The following SLC8A3 variants were observed in gnomAD, a reference collection of about 807,000 sequenced individuals.
The protein encoded by SLC8A3 is solute carrier family 8 member A3.
Under a neutral mutation model 65.4 loss-of-function variants are expected in SLC8A3, and 37 were observed. The ratio of observed to expected loss-of-function variants is 0.57; its 90% CI spans 0.44 to 0.74. The LOEUF (loss-of-function observed/expected upper bound fraction) is 0.74, where lower values mean the gene tolerates loss of function less well. SLC8A3 is among the 30% of genes least tolerant of loss of function. The pLI is 0.00. For synonymous variants in SLC8A3, 461 were observed against 444.5 expected, an observed-to-expected ratio of 1.04 and a Z score of -0.47; for missense variants, 1,112 against 1,172.1, an observed-to-expected ratio of 0.95 and a Z score of 0.75.
At chr14:70,124,235 C>A (rs956458260) in intron 2 of SLC8A3, among the ~76,000 whole-genome samples, 3 of 152,134 alleles carry the variant, frequency 2.0e-5, no homozygotes, top group African/African-American at 7.2e-5. Flanking sequence ...CAGGTTTCTC[C>A]CAGGGTGAAA....
Position 70,171,338 on chromosome 14 carries a change from T to C in SLC8A3, c.-62-2854A>G, listed in dbSNP as rs534364541. 2.6e-5 allele frequency among the ~76,000 whole-genome samples: 4 copies of C among 152,342 alleles called. No individual in the cohort carries two copies. In the South Asian group the frequency reaches 6.2e-4, roughly 24 times the overall value. On this transcript the variant is annotated intron_variant, in intron 1 of 6. Transcript: ENST00000356921. ...GGGACTTGGAGTCGTATTTATCTTA[T>C]GGACCAGGAGAATTAAGGAGGATGA...
intron 2 of SLC8A3, among the ~76,000 whole-genome samples, chr14:70,137,667 G>T (rs1340572770): frequency 1.3e-5 from 2 of 152,070 alleles, no homozygotes; most frequent in East Asian, 3.9e-4. Flanking sequence ...GCTCAGAGGA[G>T]GATGAGTTTT....
intron 2 of SLC8A3, among the ~76,000 whole-genome samples, chr14:70,134,404 GCCGT>G (rs1317190142): frequency 6.6e-6 from 1 of 152,076 alleles, no homozygotes; most frequent in East Asian, 1.9e-4. Flanking sequence ...CCATTCCTTT[GCCGT>G]CCATACCACT....
intron 2 of SLC8A3, 49 bp from the exon 3 acceptor site, chr14:70,060,988 G>A (rs1276246786): frequency 1.2e-5 from 10 of 827,878 alleles, no homozygotes; most frequent in Non-Finnish European, 1.8e-5. Flanking sequence ...CGGTAGATTG[G>A]TTGGTCACCT....
intron 2 of SLC8A3, among the ~76,000 whole-genome samples, chr14:70,128,709 C>T (rs1894638208): frequency 6.6e-6 from 1 of 152,104 alleles, no homozygotes. Context: ...GAACATGTTT[C>T]CTCTTCACTA....
chr14:70,132,802 G>A (rs974163671), intron 2 of SLC8A3, among the ~76,000 whole-genome samples: 3 of 152,162 alleles, frequency 2.0e-5, no homozygotes, highest in Non-Finnish European at 4.4e-5. Flanking sequence ...TGAGACAGTG[G>A]AGACAGGAGC....
At chr14:70,188,061 C>T (rs1883483076) in intron 1 of SLC8A3, among the ~76,000 whole-genome samples, 2 of 152,064 alleles carry the variant, frequency 1.3e-5, no homozygotes, top group Non-Finnish European at 2.9e-5. Flanking sequence ...GCTCACGATC[C>T]AACTGTACCC....
intron 1 of SLC8A3, among the ~76,000 whole-genome samples, chr14:70,180,307 T>C (rs61978209): frequency 0.079 from 12,072 of 152,282 alleles, 550 homozygotes; most frequent in African/African-American, 0.09. Flanking sequence ...AATCATATCA[T>C]TGCCTGATTG....
chr14:70,168,162 C>G lies in SLC8A3; in HGVS notation c.261G>C (p.Met87Ile), dbSNP rs375492759. ...CAGCAATGATGGACACCCCAAGGAA[C>G]ATGTATATCAGGGCCACAAAATAGA... ...VIVYFVALIY[M>I]FLGVSIIADR... Residue 87 changes from methionine to isoleucine, a missense_variant, in exon 2 of 7, where the codon ATG becomes ATC. Coordinates refer to ENST00000356921, the MANE Select transcript of SLC8A3 (RefSeq NM_182932.3). 90 of 1,614,002 alleles carry G rather than the reference C, an allele frequency of 5.6e-5. No individual in the cohort carries two copies. The highest frequency in any genetic ancestry group is 7.4e-5 in the Non-Finnish European group (87 of 1,180,030).
chr14:70,088,950 A>G (rs938527967), intron 2 of SLC8A3, among the ~76,000 whole-genome samples: 10 of 152,246 alleles, frequency 6.6e-5, no homozygotes, highest in Non-Finnish European at 4.4e-5. Flanking sequence ...ATTGGCCACC[A>G]TCACCTCTGG....
intron 2 of SLC8A3, among the ~76,000 whole-genome samples, chr14:70,119,428 G>A (rs1173673551): frequency 6.6e-6 from 1 of 152,122 alleles, no homozygotes; most frequent in African/African-American, 2.4e-5. Context: ...AGCATCACTG[G>A]GGACCCCACC....
intron 1 of SLC8A3, among the ~76,000 whole-genome samples, chr14:70,184,383 C>T (rs1281513442): frequency 6.6e-6 from 1 of 152,196 alleles, no homozygotes; most frequent in Non-Finnish European, 1.5e-5. Context: ...TAAGGTTTGA[C>T]CCTATGCCTT....
Position 70,046,191 on chromosome 14 carries a change from C to A in SLC8A3, c.2522G>T (p.Trp841Leu). Residue 841 changes from tryptophan to leucine, a missense_variant, in exon 7 of 7, where the codon TGG becomes TTG. Physicochemically the swap from Trp to Leu is moderately conservative, Grantham distance 61. Coordinates refer to ENST00000356921, the MANE Select transcript of SLC8A3 (RefSeq NM_182932.3). The surrounding 1 kb of genome is among the most constrained non-coding windows in gnomAD (Gnocchi z 4.2). ...GLAWSVAAIYWALQGQEFHVS... is the reference protein window; with the variant it reads ...GLAWSVAAIYLALQGQEFHVS... ...GTGGAACTCCTGTCCCTGCAGAGCC[C>A]AGTAGATGGCGGCCACGGACCAGGC... 6.2e-7 allele frequency: 1 copy of A among 1,614,186 alleles called. No homozygotes were observed. Among genetic ancestry groups the A allele is most frequent in the South Asian group, 1.1e-5 (1 of 91,072 alleles).
intron 2 of SLC8A3, among the ~76,000 whole-genome samples, chr14:70,161,781 G>A (rs1438325800): frequency 2.0e-5 from 3 of 152,248 alleles, no homozygotes; most frequent in Admixed American, 6.5e-5. Flanking sequence ...TTGTGTTTTA[G>A]TTAAATTGGA....
At position 70,078,528 on chromosome 14, in the gene SLC8A3, A is replaced by T. The variant is rs540795850; in HGVS notation, c.1785-17589T>A. Reference sequence around the variant, plus strand: ...TTTGGAAAGCTTTGGATCCACAGAAATGCATTACTTTACTGCCTACTCCCT... The same window carrying T: ...TTTGGAAAGCTTTGGATCCACAGAATTGCATTACTTTACTGCCTACTCCCT... On this transcript the variant is annotated intron_variant, in intron 2 of 6. Transcript: ENST00000356921. Among the ~76,000 whole-genome samples, 3 of 152,304 alleles carry T rather than the reference A, an allele frequency of 2.0e-5. No individual in the cohort carries two copies. The East Asian group carries it at 5.8e-4, about 29-fold the overall frequency.
chr14:70,058,580 C>A (rs775846501), intron 3 of SLC8A3, among the ~76,000 whole-genome samples: 8 of 152,134 alleles, frequency 5.3e-5, no homozygotes, highest in Non-Finnish European at 8.8e-5. Flanking sequence ...GCTGACATTT[C>A]CTTGGGCAAA....
chr14:70,174,342 T>A (rs3861684), intron 1 of SLC8A3, among the ~76,000 whole-genome samples: 41,840 of 152,118 alleles, frequency 0.28, 6,310 homozygotes, highest in East Asian at 0.5. Context: ...GTGTGAGACC[T>A]TGGGAAGTCA....
chr14:70,176,012 G>A (rs1897887422), intron 1 of SLC8A3, among the ~76,000 whole-genome samples: 1 of 152,080 alleles, frequency 6.6e-6, no homozygotes, highest in African/African-American at 2.4e-5. Flanking sequence ...AAGCTTTTTT[G>A]TTTGTAAAAA....
intron 2 of SLC8A3, among the ~76,000 whole-genome samples, chr14:70,128,690 G>A (rs1036728840): frequency 3.3e-5 from 5 of 152,214 alleles, no homozygotes; most frequent in Admixed American, 3.3e-4. Flanking sequence ...TGGTTATAGA[G>A]TGGTTTTTGA....
Sources: allele counts gnomAD v4.1 joint callset (sites outside exome capture counted in the v4.1 genomes callset), GRCh38; gene constraint gnomAD v4.1.1; non-coding constraint Gnocchi (gnomAD v3.1); transcripts MANE v1.5; gene names NCBI Gene and HGNC (gene_info 2026-07-23, HGNC 2026-07-21).